VSNL1: variants seen among roughly 807,000 people sequenced by gnomAD.
The protein encoded by VSNL1 is visinin like 1, also known as visinin-like protein 1.
A neutral mutation model predicts 20.4 loss-of-function variants in VSNL1; 6 were observed. That is an observed-to-expected ratio of 0.29 (90% CI 0.16 to 0.58). VSNL1 has a LOEUF of 0.58. VSNL1 is among the 20% of genes least tolerant of loss of function. VSNL1 has a pLI of 0.90. For synonymous variants in VSNL1, 93 were observed against 86.4 expected (o/e 1.08, Z -0.42); for missense variants, 100 against 234.5 (o/e 0.43, Z 3.75).
intron 2 of VSNL1, among the ~76,000 whole-genome samples, chr2:17,625,498 A>G (rs1222005852): frequency 6.6e-6 from 1 of 152,234 alleles, no homozygotes; most frequent in Non-Finnish European, 1.5e-5. Context: ...CATCTTGGCA[A>G]GATTCCCTAA....
chr2:17,618,725 A>C (rs1665278768), intron 2 of VSNL1, among the ~76,000 whole-genome samples: 1 of 152,232 alleles, frequency 6.6e-6, no homozygotes, highest in Non-Finnish European at 1.5e-5. Context: ...GCACTCTGCT[A>C]GATTTTTACA....
At chr2:17,626,078 C>T (rs1316009965) in intron 2 of VSNL1, among the ~76,000 whole-genome samples, 1 of 152,156 alleles carries the variant, frequency 6.6e-6, no homozygotes, top group Non-Finnish European at 1.5e-5. Context: ...CTCAGCTTCG[C>T]AAAAGACTGG....
chr2:17,644,509 G>A (rs545617759), intron 2 of VSNL1, among the ~76,000 whole-genome samples: 2 of 152,332 alleles, frequency 1.3e-5, no homozygotes, highest in South Asian at 2.1e-4. Flanking sequence ...GAAGAGACAG[G>A]CCGAGGGTCT....
At chr2:17,638,496 T>G (rs1379371587) in intron 2 of VSNL1, among the ~76,000 whole-genome samples, 1 of 152,148 alleles carries the variant, frequency 6.6e-6, no homozygotes, top group Non-Finnish European at 1.5e-5. Flanking sequence ...CCCAGATGGT[T>G]GAATCCCTCT....
At chr2:17,622,212 C>CAA (rs60417092) in intron 2 of VSNL1, among the ~76,000 whole-genome samples, 4,133 of 134,552 alleles carry the variant, frequency 0.031, 210 homozygotes, top group African/African-American at 0.11. Flanking sequence ...GACTCTATCT[C>CAA]AAAAAAAAAA....
At chr2:17,585,707 A>G (rs946520218) in intron 1 of VSNL1, among the ~76,000 whole-genome samples, 9 of 152,082 alleles carry the variant, frequency 5.9e-5, no homozygotes, top group African/African-American at 1.9e-4. Context: ...CTGAGCCTCA[A>G]ACTCTCCAAC....
intron 2 of VSNL1, among the ~76,000 whole-genome samples, chr2:17,632,572 T>C (rs1386358012): frequency 3.3e-5 from 5 of 152,234 alleles, no homozygotes; most frequent in Non-Finnish European, 7.3e-5. Context: ...GTGCTGGGAT[T>C]ACAGGCATGA....
At chr2:17,611,701 AC>A (rs1665092028) in intron 2 of VSNL1, among the ~76,000 whole-genome samples, 1 of 152,022 alleles carries the variant, frequency 6.6e-6, no homozygotes, top group South Asian at 2.1e-4. Context: ...CGTCTCCAGC[AC>A]CCCCACTTCC....
chr2:17,642,309 C>CTTTTTTTTTTTTTTTTTTTTTTTTTTTT lies in VSNL1; in HGVS notation c.163-7084_163-7083insTTTTTTTTTTTTTTTTTTTTTTTTTTTT, dbSNP rs577471307. 2.1e-3 allele frequency among the ~76,000 whole-genome samples: 197 copies of CTTTTTTTTTTTTTTTTTTTTTTTTTTTT among 93,212 alleles called. 40 individuals carry two copies. The highest frequency in any genetic ancestry group is 4.6e-3 in the African/African-American group (120 of 26,166). The allele number at this position is 93,212 out of a possible 152,430, so 61.2% of individuals were successfully genotyped here. ...CTGGCTTTTCCCATGGTGAGCATTC[C>CTTTTTTTTTTTTTTTTTTTTTTTTTTTT]TTTTTTTTTTTTTTTTTGAGACAGA... On this transcript the variant is annotated intron_variant, in intron 2 of 3. Coordinates refer to ENST00000295156, the MANE Select transcript of VSNL1 (RefSeq NM_003385.5).
At chr2:17,554,092 A>G (rs1409185540) in intron 1 of VSNL1, among the ~76,000 whole-genome samples, 1 of 152,182 alleles carries the variant, frequency 6.6e-6, no homozygotes, top group Admixed American at 6.5e-5. Context: ...AAGGGCTCAT[A>G]ATGCAATGAC....
chr2:17,628,717 T>C (rs546254825), intron 2 of VSNL1, among the ~76,000 whole-genome samples: 2 of 152,210 alleles, frequency 1.3e-5, no homozygotes, highest in South Asian at 2.1e-4. Context: ...TCTTACTCTG[T>C]ACATGTAAGT....
In VSNL1 at chr2:17,575,058, G is replaced by A. The variant is rs1664173277; in HGVS notation, c.-5-17012G>A. The stretch of plus-strand genomic sequence containing the variant: ...TACCCAGGCTGGTCTCAAGCTTCTG[G>A]ACTCAAGCAATCCACCTGCCCTGCC... On this transcript the variant is annotated intron_variant, in intron 1 of 3. Coordinates refer to ENST00000295156, the MANE Select transcript of VSNL1 (RefSeq NM_003385.5). Among the ~76,000 whole-genome samples, 2 of 151,978 alleles carry A rather than the reference G, an allele frequency of 1.3e-5. 1 individual carries two copies. The highest frequency in any genetic ancestry group is 1.3e-4 in the Admixed American group (2 of 15,254).
intron 1 of VSNL1, among the ~76,000 whole-genome samples, chr2:17,584,970 A>G (rs768980635): frequency 1.3e-5 from 2 of 152,102 alleles, no homozygotes; most frequent in Non-Finnish European, 2.9e-5. Context: ...GGTGTTTACT[A>G]TACTTTGGCA....
intron 1 of VSNL1, among the ~76,000 whole-genome samples, chr2:17,574,708 G>A (rs927286206): frequency 6.6e-6 from 1 of 152,122 alleles, no homozygotes; most frequent in South Asian, 2.1e-4. Flanking sequence ...TCTTTGGGTT[G>A]GATGTGGAAA....
At chr2:17,602,215 C>A (rs1452425384) in intron 2 of VSNL1, among the ~76,000 whole-genome samples, 2 of 152,174 alleles carry the variant, frequency 1.3e-5, no homozygotes, top group African/African-American at 4.8e-5. Flanking sequence ...CTTACTGATT[C>A]TTCCATCTTT....
At chr2:17,553,761 A>G (rs375009020) in intron 1 of VSNL1, among the ~76,000 whole-genome samples, 35 of 152,192 alleles carry the variant, frequency 2.3e-4, no homozygotes, top group African/African-American at 8.2e-4. Context: ...TTAAATGCAA[A>G]TTATAACGTA....
intron 1 of VSNL1, among the ~76,000 whole-genome samples, chr2:17,578,939 G>T (rs1664282800): frequency 6.6e-6 from 1 of 152,064 alleles, no homozygotes; most frequent in Non-Finnish European, 1.5e-5. Context: ...CCCTAAGAAG[G>T]AACACTTGGT....
At chr2:17,595,049 A>T (rs925631944) in intron 2 of VSNL1, among the ~76,000 whole-genome samples, 1 of 152,150 alleles carries the variant, frequency 6.6e-6, no homozygotes, top group South Asian at 2.1e-4. Flanking sequence ...CTCCTCATTA[A>T]CACCCTCCAG....
At chr2:17,603,605 A>G (rs1228003709) in intron 2 of VSNL1, among the ~76,000 whole-genome samples, 1 of 152,154 alleles carries the variant, frequency 6.6e-6, no homozygotes, top group East Asian at 1.9e-4. Context: ...ATCAGGGGGA[A>G]AGTGAGATGA....
Sources: gnomAD v4.1 joint callset for allele counts (sites outside exome capture counted in the v4.1 genomes callset) on GRCh38, gnomAD v4.1.1 for gene constraint, MANE v1.5 for transcripts, NCBI Gene and HGNC (gene_info 2026-07-23, HGNC 2026-07-21) for gene names.